C12orf43: variants seen among roughly 807,000 people sequenced by gnomAD.
C12orf43 encodes the protein chromosome 12 open reading frame 43, also known as protein CUSTOS.
In C12orf43, 15 loss-of-function variants were observed where a neutral mutation model predicts 20.6. The ratio of observed to expected loss-of-function variants is 0.73; its 90% CI spans 0.49 to 1.12. C12orf43 has a LOEUF of 1.12. Among genes scored for constraint, C12orf43 ranks in the 50% most tolerant of loss-of-function variants. The probability of loss-of-function intolerance (pLI) is 0.00; values close to 1 mark genes in which losing one functional copy is unlikely to be tolerated. For synonymous variants in C12orf43, 144 were observed against 130.8 expected, an observed-to-expected ratio of 1.10 and a Z score of -0.69; for missense variants, 334 against 344.4, an observed-to-expected ratio of 0.97 and a Z score of 0.24.
At position 121,002,928 on chromosome 12, in the gene C12orf43, C is replaced by T. The variant is rs1169311; in HGVS notation, c.*1225G>A. 0.32 allele frequency: 48,551 copies of T among 152,740 alleles called. 8,706 individuals carry two copies. The highest frequency in any genetic ancestry group is 0.57 in the Middle Eastern group (169 of 298). 9.5% of individuals were successfully genotyped at this position (152,740 alleles called of 1,614,324 possible). On this transcript the variant is annotated 3_prime_UTR_variant, in exon 6 of 6. Transcript: ENST00000288757. The stretch of plus-strand genomic sequence containing the variant: ...ATGTTGCCTAGGCTGGTCTGGAACT[C>T]GGCTCAAGTGATCCACCTGCCTCGG...
At chr12:121,008,417 G>A (rs1878189214) in intron 3 of C12orf43, among the ~76,000 whole-genome samples, 1 of 152,238 alleles carries the variant, frequency 6.6e-6, no homozygotes, top group Admixed American at 6.5e-5. Flanking sequence ...TCAGAGGCAT[G>A]AGCTGCCACG....
rs1011840727 is a variant in C12orf43 at position 121,001,316 on chromosome 12, C to T, written c.*2837G>A. 13 of 1,189,946 alleles carry T rather than the reference C, an allele frequency of 1.1e-5. No homozygotes were observed. The highest frequency in any genetic ancestry group is 2.7e-5 in the South Asian group (2 of 73,800). 73.7% of individuals were successfully genotyped at this position (1,189,946 alleles called of 1,614,324 possible). A position where few individuals can be genotyped will look rare whatever the true frequency, so the allele number is the denominator to read the frequency against. On this transcript the variant is annotated 3_prime_UTR_variant, in exon 6 of 6. Coordinates refer to ENST00000288757, the MANE Select transcript of C12orf43 (RefSeq NM_022895.3). ...TGGCCCTTCCTGGACAGCTGTGCCT[C>T]GCTCCCCACTCTGCTCTGATGCATC...
intron 3 of C12orf43, among the ~76,000 whole-genome samples, chr12:121,008,469 A>C (rs1878194098): frequency 6.6e-6 from 1 of 152,342 alleles, no homozygotes; most frequent in African/African-American, 2.4e-5. Flanking sequence ...GAGAAACATG[A>C]AAATGCTGCA....
intron 3 of C12orf43, chr12:121,007,056 G>A (rs1407271376): frequency 6.6e-6 from 1 of 152,260 alleles, no homozygotes; most frequent in African/African-American, 2.4e-5. Context: ...ACTTGTTAGA[G>A]AGAGGGCATA....
Position 121,005,459 on chromosome 12 carries a change from T to A in C12orf43, c.362-366A>T, listed in dbSNP as rs532627368. Among the ~76,000 whole-genome samples the A allele has an allele frequency of 2.0e-5, 3 of 152,278 alleles. No individual in the cohort carries two copies. The highest frequency in any genetic ancestry group is 4.4e-5 in the Non-Finnish European group (3 of 68,014). ...CAGTCGTCTAACTACAAAGTGATTC[T>A]GCATCTGCCAAGGGTCATGCTGATG... On this transcript the variant is annotated intron_variant, in intron 4 of 5. Coordinates refer to ENST00000288757, the MANE Select transcript of C12orf43 (RefSeq NM_022895.3). This position sits in a 1 kb window ranked among gnomAD's most constrained non-coding sequence, Gnocchi z 5.6.
chr12:121,001,322 CCA>C lies in C12orf43; in HGVS notation c.*2829_*2830del. ...TTCCTGGACAGCTGTGCCTCGCTCC[CCA>C]CTCTGCTCTGATGCATCAGAAAGGG... On this transcript the variant is annotated 3_prime_UTR_variant, in exon 6 of 6. Transcript: ENST00000288757. 1 of 1,140,186 alleles carries C rather than the reference CCA, an allele frequency of 8.8e-7. No individual in the cohort carries two copies. The allele number at this position is 1,140,186 out of a possible 1,614,324, so 70.6% of individuals were successfully genotyped here. A position where few individuals can be genotyped will look rare whatever the true frequency, so the allele number is the denominator to read the frequency against.
At position 121,002,240 on chromosome 12, in the gene C12orf43, G is replaced by T. The variant is rs1477786981; in HGVS notation, c.*1913C>A. The T allele has an allele frequency of 1.4e-5, 6 of 440,516 alleles. No individual in the cohort carries two copies. Among genetic ancestry groups the T allele is most frequent in the South Asian group, 8.1e-5 (4 of 49,432 alleles). 27.3% of individuals were successfully genotyped at this position (440,516 alleles called of 1,614,324 possible). On this transcript the variant is annotated 3_prime_UTR_variant, in exon 6 of 6. Coordinates refer to ENST00000288757, the MANE Select transcript of C12orf43 (RefSeq NM_022895.3). Reference sequence around the variant, plus strand: ...AGGACTAACACTCAGAAGCCTGGGGGCCTGGCTGGCTGAGGGCAGTTCGCA... The same window carrying T: ...AGGACTAACACTCAGAAGCCTGGGGTCCTGGCTGGCTGAGGGCAGTTCGCA...
At chr12:121,009,433 G>T (rs1293119805) in intron 3 of C12orf43, among the ~76,000 whole-genome samples, 1 of 152,214 alleles carries the variant, frequency 6.6e-6, no homozygotes, top group Non-Finnish European at 1.5e-5. Flanking sequence ...TCCAGAGGGA[G>T]ACTCTGTCTC....
In C12orf43 at chr12:121,002,145, A is replaced by G. The variant is rs1877539727; in HGVS notation, c.*2008T>C. Reference sequence around the variant, plus strand: ...CCCGAGCAGCTGAGCAGGGCCGGGGAACTGGCCAAGCTGAGGTGCCCAGGA... The same window carrying G: ...CCCGAGCAGCTGAGCAGGGCCGGGGGACTGGCCAAGCTGAGGTGCCCAGGA... On this transcript the variant is annotated 3_prime_UTR_variant, in exon 6 of 6. Coordinates refer to ENST00000288757, the MANE Select transcript of C12orf43 (RefSeq NM_022895.3). The G allele has an allele frequency of 1.9e-6, 1 of 514,404 alleles. No homozygotes were observed. The highest frequency in any genetic ancestry group is 1.9e-5 in the African/African-American group (1 of 53,134). The allele number at this position is 514,404 out of a possible 1,614,324, so 31.9% of individuals were successfully genotyped here. A position where few individuals can be genotyped will look rare whatever the true frequency, so the allele number is the denominator to read the frequency against.
At chr12:121,012,441 C>T (rs1868458863) in intron 1 of C12orf43, 1 of 702,478 alleles carries the variant, frequency 1.4e-6, no homozygotes, top group African/African-American at 1.7e-5. Flanking sequence ...TGGGTTTTGA[C>T]AGAACATCTT....
At chr12:121,011,996 T>C (rs990170730) in intron 1 of C12orf43, among the ~76,000 whole-genome samples, 2 of 152,024 alleles carry the variant, frequency 1.3e-5, no homozygotes, top group African/African-American at 4.8e-5. Flanking sequence ...TAAACACACA[T>C]ACGTAAACAA....
At position 121,000,835 on chromosome 12, in the gene C12orf43, C is replaced by T. The variant is rs1238469145; in HGVS notation, c.*3318G>A. 1 of 575,084 alleles carries T rather than the reference C, an allele frequency of 1.7e-6. No individual in the cohort carries two copies. Among genetic ancestry groups the T allele is most frequent in the Admixed American group, 2.8e-5 (1 of 35,954 alleles). 35.6% of individuals were successfully genotyped at this position (575,084 alleles called of 1,614,324 possible). The stretch of plus-strand genomic sequence containing the variant: ...CCTCGGCATCTCACCGGGGCTTCTC[C>T]AGTGTTCACACTAAGATGTACTCAG... On this transcript the variant is annotated 3_prime_UTR_variant, in exon 6 of 6. Transcript: ENST00000288757.
Position 121,006,314 on chromosome 12 carries a change from C to G in C12orf43, c.361+7G>C, listed in dbSNP as rs779792535. ...AATGATAGCTTCTATTAAGTATAAC[C>G]ACTCACCATCATCCTCCAAAGCGAC... On this transcript the variant is annotated splice_region_variant and intron_variant, in intron 4 of 5. Transcript: ENST00000288757. 45 of 1,611,148 alleles carry G rather than the reference C, an allele frequency of 2.8e-5. 1 individual carries two copies. The highest frequency in any genetic ancestry group is 2.7e-4 in the Admixed American group (16 of 60,008).
intron 1 of C12orf43, among the ~76,000 whole-genome samples, chr12:121,014,415 G>A (rs1353881404): frequency 6.6e-6 from 1 of 151,308 alleles, no homozygotes; most frequent in African/African-American, 2.4e-5. Flanking sequence ...GATTGCCTGA[G>A]GTCTGGAGTT....
intron 1 of C12orf43, 109 bp downstream of exon 1, chr12:121,016,221 C>T (rs757927818): frequency 2.6e-6 from 4 of 1,544,122 alleles, no homozygotes; most frequent in Middle Eastern, 2.1e-4. Flanking sequence ...GGAGGTCTCT[C>T]GGGGAAGGAA....
intron 4 of C12orf43, 120 bp downstream of exon 4, chr12:121,006,197 CAGAG>C (rs2135868629): frequency 1.2e-6 from 1 of 814,050 alleles, no homozygotes; most frequent in East Asian, 2.7e-5. Context: ...GCCTAGGTGG[CAGAG>C]AGAGTTCCTA....
chr12:121,013,447 C>T (rs553990102), intron 1 of C12orf43, among the ~76,000 whole-genome samples: 118 of 152,294 alleles, frequency 7.7e-4, no homozygotes, highest in Middle Eastern at 3.4e-3. Context: ...AATGGGAATA[C>T]GATTACCAAC....
At chr12:121,011,071 A>G (rs752438120) in intron 2 of C12orf43, 33 bp downstream of exon 2, 3 of 1,610,942 alleles carry the variant, frequency 1.9e-6, no homozygotes, top group African/African-American at 1.3e-5. Context: ...TATTTGTTGA[A>G]TAAGTGAAAC....
In C12orf43 at chr12:121,001,324, A is replaced by C; in HGVS notation, c.*2829T>G. 2 of 1,133,206 alleles carry C rather than the reference A, an allele frequency of 1.8e-6. No individual in the cohort carries two copies. Among genetic ancestry groups the C allele is most frequent in the Non-Finnish European group, 2.5e-6 (2 of 787,984 alleles). The allele number at this position is 1,133,206 out of a possible 1,614,324, so 70.2% of individuals were successfully genotyped here. ...CCTGGACAGCTGTGCCTCGCTCCCC[A>C]CTCTGCTCTGATGCATCAGAAAGGG... On this transcript the variant is annotated 3_prime_UTR_variant, in exon 6 of 6. Transcript: ENST00000288757.
Sources: gnomAD v4.1 joint callset for allele counts (sites outside exome capture counted in the v4.1 genomes callset) on GRCh38, gnomAD v4.1.1 for gene constraint, Gnocchi (gnomAD v3.1) non-coding constraint, MANE v1.5 for transcripts, NCBI Gene and HGNC (gene_info 2026-07-23, HGNC 2026-07-21) for gene names.